Variants in ADAMTSL3 observed in about 807,000 individuals in gnomAD.
The protein encoded by ADAMTSL3 is ADAMTS-like protein 3.
A neutral mutation model predicts 201.7 loss-of-function variants in ADAMTSL3; 128 were observed. That is an observed-to-expected ratio of 0.63 (90% CI 0.55 to 0.73). ADAMTSL3 has a LOEUF of 0.73. ADAMTSL3 is among the 30% of genes least tolerant of loss of function. The pLI, the probability that ADAMTSL3 is intolerant of heterozygous loss-of-function variation, is 0.00. For missense variants in ADAMTSL3, 1,990 were observed against 2,119.6 expected (o/e 0.94, Z 1.20); for synonymous variants, 738 against 748.4 (o/e 0.99, Z 0.23).
intron 4 of ADAMTSL3, 80 bp from the exon 5 acceptor site, chr15:83,804,570 T>G: frequency 1.0e-6 from 1 of 970,000 alleles, no homozygotes; most frequent in Non-Finnish European, 1.5e-6. Context: ...TGCCTTGTAT[T>G]TGCTTTTTTT....
intron 9 of ADAMTSL3, among the ~76,000 whole-genome samples, chr15:83,883,139 TTTCTATTTTATTTTATTTTATTTTA>T (rs1232926459): frequency 8.7e-5 from 13 of 150,058 alleles, no homozygotes; most frequent in East Asian, 3.9e-4. Flanking sequence ...TATAATACTA[TTTCTATTTTATTTTATTTTATTTTA>T]TTTTATTTTA....
intron 2 of ADAMTSL3, among the ~76,000 whole-genome samples, chr15:83,681,745 G>A (rs1026925793): frequency 6.6e-6 from 1 of 152,122 alleles, no homozygotes; most frequent in East Asian, 1.9e-4. Context: ...AACTGCTGTC[G>A]GTGCATGGTA....
intron 4 of ADAMTSL3, among the ~76,000 whole-genome samples, chr15:83,786,164 A>G (rs2063259570): frequency 3.3e-5 from 5 of 152,092 alleles, no homozygotes; most frequent in Admixed American, 3.3e-4. Context: ...TTTAGCAGAG[A>G]TGGAGTTTCA....
chr15:83,750,852 G>A (rs1168781181), intron 3 of ADAMTSL3, among the ~76,000 whole-genome samples: 1 of 152,080 alleles, frequency 6.6e-6, no homozygotes, highest in African/African-American at 2.4e-5. Flanking sequence ...GCCCGGCTGG[G>A]GGAGACATTT....
At chr15:83,728,299 T>A (rs914649255) in intron 3 of ADAMTSL3, among the ~76,000 whole-genome samples, 2 of 151,960 alleles carry the variant, frequency 1.3e-5, no homozygotes, top group African/African-American at 4.8e-5. Flanking sequence ...GTCTTTTTTT[T>A]TTATTCATTT....
chr15:83,717,898 A>T (rs1004199242), intron 3 of ADAMTSL3, among the ~76,000 whole-genome samples: 1 of 152,156 alleles, frequency 6.6e-6, no homozygotes, highest in African/African-American at 2.4e-5. Context: ...CTGTTATGAG[A>T]CTGCTGTGTG....
chr15:83,800,060 T>A (rs1258042714), intron 4 of ADAMTSL3, among the ~76,000 whole-genome samples: 1 of 150,386 alleles, frequency 6.6e-6, no homozygotes, highest in Non-Finnish European at 1.5e-5. Flanking sequence ...GGATTTACTG[T>A]GTATTAGGTT....
At chr15:83,951,395 T>G (rs2066754494) in intron 19 of ADAMTSL3, among the ~76,000 whole-genome samples, 1 of 152,214 alleles carries the variant, frequency 6.6e-6, no homozygotes, top group Non-Finnish European at 1.5e-5. Flanking sequence ...GATCTTTTAC[T>G]GTGTTGTTGA....
intron 7 of ADAMTSL3, among the ~76,000 whole-genome samples, chr15:83,856,519 G>A (rs1369223377): frequency 6.6e-6 from 1 of 151,800 alleles, no homozygotes; most frequent in African/African-American, 2.4e-5. Context: ...ATCCATTGTA[G>A]GTATATACCA....
chr15:83,927,121 C>CTTT (rs879610724), intron 17 of ADAMTSL3, among the ~76,000 whole-genome samples: 1 of 141,616 alleles, frequency 7.1e-6, no homozygotes, highest in African/African-American at 2.6e-5. Context: ...TTCTTTCTTT[C>CTTT]TTTTTTTTTT....
At chr15:83,773,053 A>G (rs1039551961) in intron 3 of ADAMTSL3, among the ~76,000 whole-genome samples, 1 of 152,194 alleles carries the variant, frequency 6.6e-6, no homozygotes, top group African/African-American at 2.4e-5. Context: ...AAAGGCATGC[A>G]TGTGTCAACT....
At chr15:83,893,669 G>C (rs1235837538) in intron 13 of ADAMTSL3, among the ~76,000 whole-genome samples, 1 of 152,092 alleles carries the variant, frequency 6.6e-6, no homozygotes, top group Admixed American at 6.5e-5. Context: ...GGGTCAAGTT[G>C]TATGAAAAAA....
intron 7 of ADAMTSL3, among the ~76,000 whole-genome samples, chr15:83,847,030 C>T (rs1327262118): frequency 6.6e-6 from 1 of 152,098 alleles, no homozygotes; most frequent in Non-Finnish European, 1.5e-5. Context: ...CAGTTTAGGC[C>T]AGTAAATAAA....
chr15:83,950,174 A>AT (rs1339628412), intron 19 of ADAMTSL3, among the ~76,000 whole-genome samples: 2 of 152,050 alleles, frequency 1.3e-5, no homozygotes, highest in African/African-American at 4.8e-5. Context: ...TTTTGATTTG[A>AT]TTTTTGTATA....
intron 3 of ADAMTSL3, among the ~76,000 whole-genome samples, chr15:83,756,551 A>G (rs994987933): frequency 2.6e-5 from 4 of 152,018 alleles, no homozygotes; most frequent in Non-Finnish European, 5.9e-5. Flanking sequence ...GGGAGCTGCA[A>G]TTTGAGATTT....
intron 7 of ADAMTSL3, among the ~76,000 whole-genome samples, chr15:83,857,255 C>T (rs931812154): frequency 1.2e-4 from 19 of 152,198 alleles, no homozygotes; most frequent in African/African-American, 4.6e-4. Flanking sequence ...TGTTTTCCCC[C>T]ATTCCGTGGG....
At chr15:83,934,105 G>T (rs1277735560) in intron 17 of ADAMTSL3, among the ~76,000 whole-genome samples, 1 of 152,170 alleles carries the variant, frequency 6.6e-6, no homozygotes, top group Non-Finnish European at 1.5e-5. Context: ...CAGAATGGTA[G>T]ATCCACTGAC....
chr15:83,687,523 A>G (rs571017344), intron 2 of ADAMTSL3, among the ~76,000 whole-genome samples: 3 of 152,002 alleles, frequency 2.0e-5, no homozygotes, highest in South Asian at 2.1e-4. Flanking sequence ...ATCTTGCCCT[A>G]TCTTGTTCCT....
chr15:83,926,337 T>C (rs924818783), intron 17 of ADAMTSL3, among the ~76,000 whole-genome samples: 3 of 152,202 alleles, frequency 2.0e-5, no homozygotes, highest in Non-Finnish European at 4.4e-5. Flanking sequence ...CGGTAAGCAC[T>C]TGGACTTCAT....
Sources: allele counts gnomAD v4.1 joint callset (sites outside exome capture counted in the v4.1 genomes callset), GRCh38; gene constraint gnomAD v4.1.1; transcripts MANE v1.5; gene names NCBI Gene and HGNC (gene_info 2026-07-23, HGNC 2026-07-21).